SLC35F3: variants seen among roughly 807,000 people sequenced by gnomAD.
The protein encoded by SLC35F3 is putative thiamine transporter SLC35F3.
SLC35F3 carries 25 observed loss-of-function variants against 49.9 expected under a neutral mutation model. That is an observed-to-expected ratio of 0.50 (90% CI 0.37 to 0.70). The LOEUF (loss-of-function observed/expected upper bound fraction) is 0.70, where lower values mean the gene tolerates loss of function less well. Among genes scored for constraint, SLC35F3 ranks in the 30% least tolerant of loss-of-function variants. The probability of loss-of-function intolerance (pLI) is 0.00; values close to 1 mark genes in which losing one functional copy is unlikely to be tolerated. For missense variants in SLC35F3, 525 were observed against 639.8 expected, an observed-to-expected ratio of 0.82 and a Z score of 1.94; for synonymous variants, 275 against 265.4, an observed-to-expected ratio of 1.04 and a Z score of -0.35.
rs1248010451 is a variant in SLC35F3, at chr1:234,324,148, G to C, written c.*905G>C. 6.6e-6 allele frequency: 1 copy of C among 152,216 alleles called. No homozygotes were observed. The highest frequency in any genetic ancestry group is 1.5e-5 in the Non-Finnish European group (1 of 68,048). 9.4% of individuals were successfully genotyped at this position (152,216 alleles called of 1,614,324 possible). On this transcript the variant is annotated 3_prime_UTR_variant, in exon 8 of 8. Coordinates refer to ENST00000366618, the MANE Select transcript of SLC35F3 (RefSeq NM_173508.4). ...TTGTGCAGGAGGGGAATTGCTGGCT[G>C]CTTTTACTTCCTGACCAAGACTGAA...
chr1:234,202,506 TA>T (rs1322679324), intron 2 of SLC35F3, among the ~76,000 whole-genome samples: 1 of 152,250 alleles, frequency 6.6e-6, no homozygotes, highest in Non-Finnish European at 1.5e-5. Context: ...ACACCATATC[TA>T]AATAATAATT....
chr1:234,139,979 T>TAAAATA lies in SLC35F3; in HGVS notation c.284-91434_284-91429dup, dbSNP rs1553308919. Among the ~76,000 whole-genome samples the TAAAATA allele has an allele frequency of 1.3e-4, 18 of 133,500 alleles. 1 individual carries two copies. Among genetic ancestry groups the TAAAATA allele is most frequent in the African/African-American group, 4.4e-4 (17 of 38,674 alleles). 87.6% of individuals were successfully genotyped at this position (133,500 alleles called of 152,430 possible). A position where few individuals can be genotyped will look rare whatever the true frequency, so the allele number is the denominator to read the frequency against. ...TAAAATAAAATAAAATAAAATAAAATAAAATAAAATAAAATAAAATAAAGT... is the reference window on the plus strand; with the variant it reads ...TAAAATAAAATAAAATAAAATAAAATAAAATAAAAATAAAATAAAATAAAATAAAGT... On this transcript the variant is annotated intron_variant, in intron 2 of 7. Coordinates refer to ENST00000366618, the MANE Select transcript of SLC35F3 (RefSeq NM_173508.4).
At position 234,055,820 on chromosome 1, in the gene SLC35F3, T is replaced by A. The variant is rs369604622; in HGVS notation, c.283+150062T>A. Among the ~76,000 whole-genome samples the A allele has an allele frequency of 3.0e-4, 45 of 152,370 alleles. 2 individuals are homozygous for A. The East Asian group carries it at 7.3e-3, about 25-fold the overall frequency. On this transcript the variant is annotated intron_variant, in intron 2 of 7. Transcript: ENST00000366618. ...TTGTTTTTGATAGAGATTTTACTCA[T>A]CTTTTACTAGGCTTCTTCTTAGATG...
chr1:234,319,231 C>G (rs1441398728), intron 6 of SLC35F3, among the ~76,000 whole-genome samples: 1 of 152,176 alleles, frequency 6.6e-6, no homozygotes, highest in Non-Finnish European at 1.5e-5. Flanking sequence ...CAGCAAGGAG[C>G]TGATAAATTA....
intron 2 of SLC35F3, among the ~76,000 whole-genome samples, chr1:234,087,967 C>T (rs1664985396): frequency 6.6e-6 from 1 of 152,160 alleles, no homozygotes; most frequent in Admixed American, 6.5e-5. Flanking sequence ...CTAAAACATC[C>T]CCTCCACACC....
chr1:234,168,191 G>A (rs1018463507), intron 2 of SLC35F3, among the ~76,000 whole-genome samples: 2 of 152,224 alleles, frequency 1.3e-5, no homozygotes, highest in African/African-American at 2.4e-5. Context: ...CCAGGGTCCT[G>A]TCTGCACCCT....
At chr1:234,161,291 A>G (rs7542220) in intron 2 of SLC35F3, among the ~76,000 whole-genome samples, 22,784 of 152,228 alleles carry the variant, frequency 0.15, 5,417 homozygotes, top group African/African-American at 0.51. Context: ...AAGCATAGAA[A>G]TGTGAAGTAC....
chr1:234,293,651 G>A (rs1668545020), intron 3 of SLC35F3, among the ~76,000 whole-genome samples: 1 of 136,608 alleles, frequency 7.3e-6, no homozygotes, highest in African/African-American at 2.8e-5. Context: ...GTGAGGAAGA[G>A]AGAAAGAGAG....
At chr1:233,920,759 T>C (rs1358592452) in intron 2 of SLC35F3, among the ~76,000 whole-genome samples, 2 of 152,244 alleles carry the variant, frequency 1.3e-5, no homozygotes, top group East Asian at 3.8e-4. Context: ...TCAGCCTTGA[T>C]GAAACAATGA....
chr1:233,912,534 C>G (rs1295037624), intron 2 of SLC35F3, among the ~76,000 whole-genome samples: 3 of 152,118 alleles, frequency 2.0e-5, no homozygotes, highest in African/African-American at 7.2e-5. Context: ...GATAATAGAA[C>G]TACTTTCTAG....
intron 2 of SLC35F3, among the ~76,000 whole-genome samples, chr1:233,948,086 A>G (rs1465169039): frequency 2.0e-5 from 3 of 150,152 alleles, no homozygotes; most frequent in Non-Finnish European, 4.4e-5. Context: ...AGGCATTTCT[A>G]TGATAGACTT....
chr1:234,031,552 G>T (rs10910329), intron 2 of SLC35F3, among the ~76,000 whole-genome samples: 21,701 of 151,964 alleles, frequency 0.14, 4,422 homozygotes, highest in African/African-American at 0.46. Context: ...CTCCTTTTTG[G>T]GGGGGCATGG....
intron 2 of SLC35F3, among the ~76,000 whole-genome samples, chr1:233,915,932 G>C (rs955446898): frequency 1.3e-5 from 2 of 152,322 alleles, no homozygotes; most frequent in Non-Finnish European, 2.9e-5. Context: ...AATTCAAGAT[G>C]AGATTTGGGT....
At chr1:234,308,725 C>T (rs1280471349) in intron 3 of SLC35F3, among the ~76,000 whole-genome samples, 2 of 150,860 alleles carry the variant, frequency 1.3e-5, no homozygotes, top group African/African-American at 2.4e-5. Context: ...CTCCCACAAC[C>T]CCCACCCCAA....
chr1:234,212,692 A>G (rs1314656569), intron 2 of SLC35F3: 2 of 152,248 alleles, frequency 1.3e-5, no homozygotes, highest in Non-Finnish European at 2.9e-5. Flanking sequence ...AAACGTGTGC[A>G]ATTATTATGT....
chr1:233,977,201 G>A (rs1020189212), intron 2 of SLC35F3, among the ~76,000 whole-genome samples: 1 of 152,232 alleles, frequency 6.6e-6, no homozygotes, highest in Admixed American at 6.5e-5. Flanking sequence ...CTCTGGGCTT[G>A]TGTTTTGGAG....
At chr1:233,933,106 T>C (rs1027879968) in intron 2 of SLC35F3, among the ~76,000 whole-genome samples, 1 of 151,592 alleles carries the variant, frequency 6.6e-6, no homozygotes, top group African/African-American at 2.4e-5. Context: ...TACCATTCCT[T>C]GCCATTATTT....
intron 2 of SLC35F3, among the ~76,000 whole-genome samples, chr1:234,008,188 C>G (rs557367987): frequency 6.6e-6 from 1 of 152,212 alleles, no homozygotes; most frequent in Non-Finnish European, 1.5e-5. Context: ...TTTCAGCCTC[C>G]AAAGATCCCA....
chr1:234,154,538 G>A (rs1048159891), intron 2 of SLC35F3, among the ~76,000 whole-genome samples: 3 of 152,112 alleles, frequency 2.0e-5, no homozygotes, highest in Non-Finnish European at 4.4e-5. Flanking sequence ...GATGAGCCTG[G>A]GATCTCTTAT....
Sources: gnomAD v4.1 joint callset for allele counts (sites outside exome capture counted in the v4.1 genomes callset) on GRCh38, gnomAD v4.1.1 for gene constraint, MANE v1.5 for transcripts, NCBI Gene and HGNC (gene_info 2026-07-23, HGNC 2026-07-21) for gene names.